The following OXER1 variants were observed in gnomAD, a reference collection of about 807,000 sequenced individuals.
OXER1 encodes the protein 5-oxo-ETE G-protein coupled receptor.
For synonymous variants in OXER1, 258 were observed against 245.8 expected (o/e 1.05, Z -0.47); for missense variants, 587 against 551.7 (o/e 1.06, Z -0.64).
At chr2:42,762,980 C>T in exon 1 of OXER1, 1 of 1,613,938 alleles carries the variant, frequency 6.2e-7, no homozygotes, top group Admixed American at 1.7e-5. Context: ...TGGCCTCCGC[C>T]TTCCTAGAGG....
At position 42,763,938 on chromosome 2, in the gene OXER1, C is replaced by G; in HGVS notation, c.242G>C (p.Gly81Ala). 1 of 1,613,716 alleles carries G rather than the reference C, an allele frequency of 6.2e-7. No individual in the cohort carries two copies. Among genetic ancestry groups the G allele is most frequent in the Middle Eastern group, 1.7e-4 (1 of 6,060 alleles). Residue 81 changes from glycine (G) to alanine (A), a missense_variant, in exon 1 of 1, where the codon GGG becomes GCG. Physicochemically the swap from Gly to Ala is moderately conservative, Grantham distance 60. Transcript: ENST00000378661. The surrounding 1 kb of genome is among the most constrained non-coding windows in gnomAD (Gnocchi z 4.4). ...CGAGGAAGAGGTGGGGTGGCAGGGC[C>G]CTCCAGAGGACCCCCCCACAGTGGT...
exon 1 of OXER1, chr2:42,762,804 C>T (rs529593797): frequency 2.2e-6 from 3 of 1,356,874 alleles, no homozygotes; most frequent in South Asian, 2.8e-5. Context: ...GGTCTGCCGC[C>T]ATCCCTTGTC....
At chr2:42,763,463 GC>G in the OXER1 span, 1 of 1,562,164 alleles carries the variant, frequency 6.4e-7, no homozygotes, top group African/African-American at 1.4e-5. This position sits in a 1 kb window ranked among gnomAD's most constrained non-coding sequence, Gnocchi z 4.4. Flanking sequence ...CCACCCTGTA[GC>G]TGAGGCAGGA....
At position 42,763,308 on chromosome 2, in the gene OXER1, T is replaced by G. The variant is rs1307172749; in HGVS notation, c.872A>C (p.Gln291Pro). The change falls in exon 1 of 1, where the codon CAG becomes CCG. Residue 291 changes from glutamine (Q) to proline (P), a missense_variant. Coordinates refer to ENST00000378661, the Ensembl canonical transcript of OXER1. This position sits in a 1 kb window ranked among gnomAD's most constrained non-coding sequence, Gnocchi z 4.4. ...CATGGCCAGCACACGCATGGCCCTC[T>G]GCGGGCCTGCCTGCCCGCCCAGACC... 6.2e-7 allele frequency: 1 copy of G among 1,613,092 alleles called. No homozygotes were observed. Among genetic ancestry groups the G allele is most frequent in the East Asian group, 2.2e-5 (1 of 44,866 alleles).
rs968384349 is a variant in OXER1, at chr2:42,763,514, G to C, written c.666C>G (p.Leu222=). Residue 222 remains leucine, a synonymous_variant, in exon 1 of 1, where the codon CTC becomes CTG. Coordinates refer to ENST00000378661, the Ensembl canonical transcript of OXER1. This position sits in a 1 kb window ranked among gnomAD's most constrained non-coding sequence, Gnocchi z 4.4. Reference sequence around the variant, plus strand: ...TGCTCAGGAGCAGGTGCCCGTTGAGGAGCAGGATGCCCACCCAGAGTCCCC... The same window carrying C: ...TGCTCAGGAGCAGGTGCCCGTTGAGCAGCAGGATGCCCACCCAGAGTCCCC... The C allele has an allele frequency of 6.4e-7, 1 of 1,554,828 alleles. No individual in the cohort carries two copies. The highest frequency in any genetic ancestry group is 8.7e-7 in the Non-Finnish European group (1 of 1,149,524).
chr2:42,764,023 A>C (rs1394111528), exon 1 of OXER1: 1 of 1,613,598 alleles, frequency 6.2e-7, no homozygotes, highest in African/African-American at 1.3e-5. Flanking sequence ...ACAGAGGAGG[A>C]GAGAGAGGGA....
In OXER1 at chr2:42,763,949, C is replaced by T; in HGVS notation, c.231G>A (p.Gly77=). Residue 77 remains glycine, a synonymous_variant, in exon 1 of 1, where the codon GGG becomes GGA. Transcript: ENST00000378661. The surrounding 1 kb of genome is among the most constrained non-coding windows in gnomAD (Gnocchi z 4.4). ...TGGGGTGGCAGGGCCCTCCAGAGGA[C>T]CCCCCCACAGTGGTAAAGGCAGAGG... The T allele has an allele frequency of 2.5e-6, 4 of 1,613,424 alleles. No individual in the cohort carries two copies. Among genetic ancestry groups the T allele is most frequent in the Non-Finnish European group, 3.4e-6 (4 of 1,179,892 alleles).
rs373495493 is a variant in OXER1 at position 42,763,335 on chromosome 2, C to T, written c.845G>A (p.Arg282His). The change falls in exon 1 of 1, where the codon CGT becomes CAT. Residue 282 changes from arginine to histidine, a missense_variant. Arg to His is a conservative substitution (Grantham distance 29). Transcript: ENST00000378661. The surrounding 1 kb of genome is among the most constrained non-coding windows in gnomAD (Gnocchi z 4.4). ...CGGGCCTGCCTGCCCGCCCAGACCA[C>T]GGTTCCGGATGGTGAGCCCAATGCT... 49 of 1,612,640 alleles carry T rather than the reference C, an allele frequency of 3.0e-5. No homozygotes were observed. The highest frequency in any genetic ancestry group is 1.6e-4 in the Middle Eastern group (1 of 6,084).
exon 1 of OXER1, chr2:42,762,970 T>G: frequency 6.2e-7 from 1 of 1,613,846 alleles, no homozygotes; most frequent in Non-Finnish European, 8.5e-7. Context: ...AGCTTCCCTA[T>G]GGCCTCCGCC....
chr2:42,762,809 C>G (rs1317465758), exon 1 of OXER1: 5 of 1,386,706 alleles, frequency 3.6e-6, no homozygotes, highest in Non-Finnish European at 4.9e-6. Context: ...GCCGCCATCC[C>G]TTGTCCAGTT....
chr2:42,763,513 G>C lies in OXER1; in HGVS notation c.667C>G (p.Leu223Val), dbSNP rs1239616204. 6.4e-7 allele frequency: 1 copy of C among 1,552,756 alleles called. No individual in the cohort carries two copies. The highest frequency in any genetic ancestry group is 1.2e-5 in the South Asian group (1 of 84,304). ...GTGCTCAGGAGCAGGTGCCCGTTGAGGAGCAGGATGCCCACCCAGAGTCCC... is the reference window on the plus strand; with the variant it reads ...GTGCTCAGGAGCAGGTGCCCGTTGACGAGCAGGATGCCCACCCAGAGTCCC... The change falls in exon 1 of 1, where the codon CTC becomes GTC. Residue 223 changes from leucine (L) to valine (V), a missense_variant. By Grantham distance (32) the Leu-to-Val change is conservative. Coordinates refer to ENST00000378661, the Ensembl canonical transcript of OXER1. The surrounding 1 kb of genome is among the most constrained non-coding windows in gnomAD (Gnocchi z 4.4).
In OXER1 at chr2:42,763,987, G is replaced by A. The variant is rs146033252; in HGVS notation, c.193C>T (p.Pro65Ser). 3.5e-3 allele frequency: 5,661 copies of A among 1,613,804 alleles called. 18 individuals carry two copies. Among genetic ancestry groups the A allele is most frequent in the Non-Finnish European group, 3.5e-3 (4,158 of 1,179,956 alleles). ...GTAAAGGCAGAGGGAGCAGAGGAGG[G>A]TGAGGGAGAGAAGGAGGGAGGGAGA... is the stretch of plus-strand genomic sequence containing the variant. Residue 65 changes from proline to serine, a missense_variant, in exon 1 of 1, where the codon CCC (proline) becomes TCC (serine). Transcript: ENST00000378661. This position sits in a 1 kb window ranked among gnomAD's most constrained non-coding sequence, Gnocchi z 4.4.
At chr2:42,763,724 G>T in the OXER1 span, 9 of 1,614,034 alleles carry the variant, frequency 5.6e-6, no homozygotes, top group African/African-American at 9.3e-5. This position sits in a 1 kb window ranked among gnomAD's most constrained non-coding sequence, Gnocchi z 4.4. Context: ...CATGGAGGAG[G>T]TAGTAGTCCA....
Position 42,763,404 on chromosome 2 carries a change from AGCAGGTACAGTGCCTGGT to A in OXER1, c.758_775del (p.His253_Leu258del). The A allele has an allele frequency of 6.3e-7, 1 of 1,594,790 alleles. No homozygotes were observed. The highest frequency in any genetic ancestry group is 1.7e-4 in the Middle Eastern group (1 of 6,048). ...GAGCGCCAGTGGCAGGAAGAACTCC[AGCAGGTACAGTGCCTGGT>A]GCCAGCGGAGCGAGGCCGAGGGCTT... On this transcript the variant is annotated inframe_deletion, in exon 1 of 1. Coordinates refer to ENST00000378661, the Ensembl canonical transcript of OXER1. The surrounding 1 kb of genome is among the most constrained non-coding windows in gnomAD (Gnocchi z 4.4).
chr2:42,763,449 G>A lies in OXER1; in HGVS notation c.731C>T (p.Thr244Met), dbSNP rs370918218. 255 of 1,567,536 alleles carry A rather than the reference G, an allele frequency of 1.6e-4. No individual in the cohort carries two copies. The highest frequency in any genetic ancestry group is 5.0e-4 in the Middle Eastern group (3 of 6,030). ...CCAGCGGAGCGAGGCCGAGGGCTTC[G>A]TGCCCACCCTGTAGCTGAGGCAGGA... The change falls in exon 1 of 1, where the codon ACG becomes ATG. Residue 244 changes from threonine to methionine, a missense_variant. Transcript: ENST00000378661. The surrounding 1 kb of genome is among the most constrained non-coding windows in gnomAD (Gnocchi z 4.4).
rs750833314 is a variant in OXER1, at chr2:42,762,862, C to G, written c.*46G>C. 6.5e-6 allele frequency: 10 copies of G among 1,549,078 alleles called. No individual in the cohort carries two copies. In the Admixed American group the frequency reaches 1.9e-4, roughly 30 times the overall value. On this transcript the variant is annotated 3_prime_UTR_variant, in exon 1 of 1. Transcript: ENST00000378661. Reference sequence around the variant, plus strand: ...CTGGCCTTGTCCCTCCAGGCCAGAGCGCGGCAGCCCTTACCCCCACAGCGC... The same window carrying G: ...CTGGCCTTGTCCCTCCAGGCCAGAGGGCGGCAGCCCTTACCCCCACAGCGC...
rs1670516178 is a variant in OXER1, at chr2:42,763,125, G to A, written c.1055C>T (p.Pro352Leu). 1 of 1,614,062 alleles carries A rather than the reference G, an allele frequency of 6.2e-7. No individual in the cohort carries two copies. The highest frequency in any genetic ancestry group is 1.3e-5 in the African/African-American group (1 of 74,950). ...GGGGCTAGAGAAGCAGTAGAGCACG[G>A]GGTCCAGGACACTGTTGAGGTAGGT... The change falls in exon 1 of 1, where the codon CCC becomes CTC. Residue 352 changes from proline to leucine, a missense_variant. Coordinates refer to ENST00000378661, the Ensembl canonical transcript of OXER1. The surrounding 1 kb of genome is among the most constrained non-coding windows in gnomAD (Gnocchi z 4.4).
exon 1 of OXER1, chr2:42,762,973 C>A (rs575064937): frequency 6.2e-7 from 1 of 1,613,812 alleles, no homozygotes; most frequent in Non-Finnish European, 8.5e-7. Flanking sequence ...TTCCCTATGG[C>A]CTCCGCCTTC....
At chr2:42,763,887 A>AT in the OXER1 span, 2 of 1,613,878 alleles carry the variant, frequency 1.2e-6, no homozygotes, top group Admixed American at 3.3e-5. The surrounding 1 kb of genome is among the most constrained non-coding windows in gnomAD (Gnocchi z 4.4). Context: ...CAGGGCCAGG[A>AT]TTGGTGCCAG....
Sources: gnomAD v4.1 joint callset for allele counts on GRCh38, gnomAD v4.1.1 for gene constraint, Gnocchi (gnomAD v3.1) non-coding constraint, MANE v1.5 for transcripts, NCBI Gene and HGNC (gene_info 2026-07-23, HGNC 2026-07-21) for gene names.